The following BTD variants were observed in gnomAD, a reference collection of about 807,000 sequenced individuals.
BTD encodes the protein biocytinase.
A neutral mutation model predicts 17.7 loss-of-function variants in BTD; 13 were observed. The ratio of observed to expected loss-of-function variants is 0.74; its 90% CI spans 0.48 to 1.17. The LOEUF (loss-of-function observed/expected upper bound fraction) is 1.17. Among genes scored for constraint, BTD ranks in the 50% most tolerant of loss-of-function variants. The pLI is 0.00. For synonymous variants in BTD, 240 were observed against 245.2 expected (o/e 0.98, Z 0.20); for missense variants, 674 against 650.4 (o/e 1.04, Z -0.39).
intron 3 of BTD, among the ~76,000 whole-genome samples, chr3:15,692,226 G>C (rs2068907084): frequency 1.3e-5 from 2 of 151,892 alleles, no homozygotes; most frequent in Admixed American, 6.6e-5. Flanking sequence ...CAACACAGGA[G>C]GATTACTTGA....
chr3:15,632,641 A>C (rs1377538165), intron 1 of BTD: 1 of 152,140 alleles, frequency 6.6e-6, no homozygotes, highest in Non-Finnish European at 1.5e-5. Context: ...CAAGAACCCC[A>C]TGACTTCCAG....
In BTD at chr3:15,645,157, C is replaced by T. The variant is rs756080092; in HGVS notation, c.1241C>T (p.Ser414Phe). The change falls in exon 4 of 4, where the codon TCC becomes TTC. Residue 414 changes from serine to phenylalanine, a missense_variant. Transcript: ENST00000643237. ...CYLLYERPTL[S>F]KELYALGVFD... ...TTACTTTACGAGAGGCCCACCTTAT[C>T]CAAAGAGCTGTATGCCCTGGGGGTC... 6.2e-7 allele frequency: 1 copy of T among 1,614,058 alleles called. No homozygotes were observed. Among genetic ancestry groups the T allele is most frequent in the Non-Finnish European group, 8.5e-7 (1 of 1,180,038 alleles).
chr3:15,637,962 T>C (rs1359064220), intron 2 of BTD, among the ~76,000 whole-genome samples: 1 of 152,226 alleles, frequency 6.6e-6, no homozygotes, highest in Non-Finnish European at 1.5e-5. Flanking sequence ...GCTGTTGATA[T>C]GATCACTTTT....
intron 3 of BTD, among the ~76,000 whole-genome samples, chr3:15,700,130 C>T (rs553199711): frequency 6.6e-6 from 1 of 152,218 alleles, no homozygotes; most frequent in Non-Finnish European, 1.5e-5. Flanking sequence ...CAAACTATCA[C>T]AAGATCAGAA....
chr3:15,695,587 A>G (rs190223569), intron 3 of BTD, among the ~76,000 whole-genome samples: 3 of 152,232 alleles, frequency 2.0e-5, no homozygotes, highest in Admixed American at 2.0e-4. Flanking sequence ...AGCATCTTTA[A>G]CCTAAAGTAT....
chr3:15,664,245 T>C (rs985370259), intron 3 of BTD, among the ~76,000 whole-genome samples: 2 of 152,210 alleles, frequency 1.3e-5, no homozygotes, highest in Non-Finnish European at 2.9e-5. Context: ...TGATAGTGGA[T>C]TCATCTATTT....
chr3:15,671,823 G>C (rs957980401), intron 3 of BTD, among the ~76,000 whole-genome samples: 4 of 151,934 alleles, frequency 2.6e-5, no homozygotes, highest in Non-Finnish European at 5.9e-5. Flanking sequence ...GGCCTCAAGT[G>C]ATCTGCCTGC....
chr3:15,679,308 T>C (rs1232155871), intron 3 of BTD: 3 of 1,613,926 alleles, frequency 1.9e-6, no homozygotes, highest in South Asian at 1.1e-5. Flanking sequence ...TACCTTCCTT[T>C]TGAATCTGTG....
intron 1 of BTD, among the ~76,000 whole-genome samples, chr3:15,617,510 A>C (rs2064829940): frequency 6.6e-6 from 1 of 152,152 alleles, no homozygotes; most frequent in Admixed American, 6.5e-5. Context: ...TTGTTCCAGC[A>C]CCATTTGTTG....
chr3:15,629,205 T>C (rs532346410), intron 1 of BTD, among the ~76,000 whole-genome samples: 11 of 152,096 alleles, frequency 7.2e-5, no homozygotes, highest in African/African-American at 2.4e-4. Context: ...AAGGGAACAA[T>C]AGGAGTCAGA....
intron 3 of BTD, among the ~76,000 whole-genome samples, chr3:15,662,221 T>C (rs1386433457): frequency 3.9e-5 from 6 of 152,252 alleles, no homozygotes; most frequent in Middle Eastern, 3.2e-3. Context: ...AGAACTGACA[T>C]CTTAAAAATA....
chr3:15,653,464 C>T lies in BTD; in HGVS notation c.*7976C>T, dbSNP rs2065837305. On this transcript the variant is annotated 3_prime_UTR_variant, in exon 4 of 4. Coordinates refer to ENST00000643237, the MANE Select transcript of BTD (RefSeq NM_001370658.1). ...GAATTCCCACACCTGGACTAATGCA[C>T]AGCCAGTGTTTCAACGTCGCCAACC... Among the ~76,000 whole-genome samples, 1 of 152,248 alleles carries T rather than the reference C, an allele frequency of 6.6e-6. No individual in the cohort carries two copies.
chr3:15,677,069 C>T (rs1313701101), intron 3 of BTD: 18 of 1,607,484 alleles, frequency 1.1e-5, no homozygotes, highest in Non-Finnish European at 1.4e-5. Flanking sequence ...ATAATTGTGG[C>T]AGATAAGTTA....
intron 1 of BTD, among the ~76,000 whole-genome samples, chr3:15,628,730 C>G (rs1284750524): frequency 2.0e-5 from 3 of 152,142 alleles, no homozygotes; most frequent in Non-Finnish European, 4.4e-5. Flanking sequence ...TCCTTGCTGC[C>G]TGGTCAAGGT....
chr3:15,614,520 T>G (rs971430370), intron 1 of BTD, among the ~76,000 whole-genome samples: 1 of 152,140 alleles, frequency 6.6e-6, no homozygotes, highest in Non-Finnish European at 1.5e-5. Context: ...TGTGGTACAT[T>G]CTAAACAAAT....
At position 15,644,507 on chromosome 3, in the gene BTD, T is replaced by G. The variant is rs767750851; in HGVS notation, c.591T>G (p.Phe197Leu). The G allele has an allele frequency of 1.2e-6, 2 of 1,614,076 alleles. No homozygotes were observed. The highest frequency in any genetic ancestry group is 2.7e-5 in the African/African-American group (2 of 74,918). ...GCTACCGTAAACACAACCTCTACTT[T>G]GAGGCAGCATTCGATGTTCCTCTTA... is the stretch of plus-strand genomic sequence containing the variant. ...VDRYRKHNLY[F>L]EAAFDVPLKV... Residue 197 changes from phenylalanine to leucine, a missense_variant, in exon 4 of 4, where the codon TTT becomes TTG. Coordinates refer to ENST00000643237, the MANE Select transcript of BTD (RefSeq NM_001370658.1).
intron 3 of BTD, among the ~76,000 whole-genome samples, chr3:15,691,226 C>T (rs1360130935): frequency 1.3e-5 from 2 of 151,792 alleles, no homozygotes; most frequent in Non-Finnish European, 2.9e-5. Flanking sequence ...TGGGTTCAAG[C>T]GATTCTCCTG....
chr3:15,625,673 G>A (rs1457438794), intron 1 of BTD, among the ~76,000 whole-genome samples: 3 of 151,876 alleles, frequency 2.0e-5, no homozygotes, highest in Non-Finnish European at 2.9e-5. Flanking sequence ...CTCCTGTCTC[G>A]GCCTCCCAAG....
At chr3:15,675,608 A>C (rs2066855027) in intron 3 of BTD, among the ~76,000 whole-genome samples, 1 of 152,216 alleles carries the variant, frequency 6.6e-6, no homozygotes, top group African/African-American at 2.4e-5. Context: ...ATCTTGATAC[A>C]TATTTGCTGA....
Sources: allele counts gnomAD v4.1 joint callset (sites outside exome capture counted in the v4.1 genomes callset), GRCh38; gene constraint gnomAD v4.1.1; transcripts MANE v1.5; gene names NCBI Gene and HGNC (gene_info 2026-07-23, HGNC 2026-07-21).